Variants in HK2 observed in about 807,000 individuals in gnomAD.
HK2 encodes hexokinase 2, also known as hexokinase-2.
A neutral mutation model predicts 92.9 loss-of-function variants in HK2; 42 were observed. That is an observed-to-expected ratio of 0.45 (90% CI 0.35 to 0.58). The LOEUF (loss-of-function observed/expected upper bound fraction) is 0.58, where lower values mean the gene tolerates loss of function less well. Among genes scored for constraint, HK2 ranks in the 20% least tolerant of loss-of-function variants. The pLI is 0.00. For missense variants in HK2, 978 were observed against 1,245.1 expected, an observed-to-expected ratio of 0.79 and a Z score of 3.23; for synonymous variants, 422 against 468.0, an observed-to-expected ratio of 0.90 and a Z score of 1.27.
At chr2:74,850,498 A>T (rs1688540368) in intron 1 of HK2, among the ~76,000 whole-genome samples, 1 of 152,188 alleles carries the variant, frequency 6.6e-6, no homozygotes, top group Non-Finnish European at 1.5e-5. Flanking sequence ...AAATTCGAAT[A>T]CTATGTTTAG....
At position 74,881,806 on chromosome 2, in the gene HK2, CACA is replaced by C. The variant is rs1276530341; in HGVS notation, c.1671_1673del (p.Asn557del). Reference sequence around the variant, plus strand: ...TGGGAAGTGGGGTGGAGTGGAGATGCACAACAAGATCTACGCCATCCCGCAGGA... The same window carrying C: ...TGGGAAGTGGGGTGGAGTGGAGATGCACAAGATCTACGCCATCCCGCAGGA... On this transcript the variant is annotated inframe_deletion, in exon 11 of 18. Coordinates refer to ENST00000290573, the MANE Select transcript of HK2 (RefSeq NM_000189.5). The C allele has an allele frequency of 1.2e-6, 2 of 1,614,076 alleles. No homozygotes were observed. The highest frequency in any genetic ancestry group is 1.7e-6 in the Non-Finnish European group (2 of 1,179,990).
intron 1 of HK2, among the ~76,000 whole-genome samples, chr2:74,844,501 T>C (rs938537021): frequency 1.3e-5 from 2 of 152,174 alleles, no homozygotes; most frequent in Non-Finnish European, 2.9e-5. Context: ...TTGTCTTGGG[T>C]AAGCAGGGAA....
chr2:74,840,925 G>T (rs1044895424), intron 1 of HK2, among the ~76,000 whole-genome samples: 1 of 148,822 alleles, frequency 6.7e-6, no homozygotes, highest in African/African-American at 2.5e-5. Flanking sequence ...TTGGGATGTG[G>T]CAAATTAAAT....
Position 74,885,486 on chromosome 2 carries a change from A to AT in HK2, c.1840-3dup. On this transcript the variant is annotated splice_polypyrimidine_tract_variant and splice_region_variant and intron_variant, in intron 12 of 17. Coordinates refer to ENST00000290573, the MANE Select transcript of HK2 (RefSeq NM_000189.5). ...GATGTCCTTTCCATGCTTGTGTGTG[A>AT]TTTTTAGAGCATCCTCCTCAAGTGG... 6.2e-7 allele frequency: 1 copy of AT among 1,608,860 alleles called. No homozygotes were observed. Among genetic ancestry groups the AT allele is most frequent in the South Asian group, 1.1e-5 (1 of 90,950 alleles).
intron 16 of HK2, among the ~76,000 whole-genome samples, chr2:74,888,630 A>G (rs1352779627): frequency 6.6e-6 from 1 of 152,244 alleles, no homozygotes; most frequent in Admixed American, 6.5e-5. Flanking sequence ...CAGGAACTAG[A>G]CAACTGATGT....
At chr2:74,872,135 A>C (rs1393148677) in intron 3 of HK2, among the ~76,000 whole-genome samples, 165 bp from the exon 4 acceptor site, 1 of 152,220 alleles carries the variant, frequency 6.6e-6, no homozygotes, top group Admixed American at 6.5e-5. Flanking sequence ...CCATGAGGAC[A>C]GGTCCAGTTA....
chr2:74,876,206 C>T (rs1689229346), intron 7 of HK2, among the ~76,000 whole-genome samples: 1 of 152,152 alleles, frequency 6.6e-6, no homozygotes, highest in Admixed American at 6.5e-5. Context: ...GGCCTTGGGT[C>T]TTGAGCAGGC....
intron 2 of HK2, among the ~76,000 whole-genome samples, chr2:74,856,206 G>A (rs1007285589): frequency 3.9e-4 from 60 of 152,276 alleles, no homozygotes; most frequent in African/African-American, 1.4e-3. Flanking sequence ...ACGCGCCTGT[G>A]CTGTTTCCAG....
intron 2 of HK2, 52 bp downstream of exon 2, chr2:74,854,507 A>G (rs773297096): frequency 6.2e-7 from 1 of 1,606,278 alleles, no homozygotes; most frequent in South Asian, 1.1e-5. Flanking sequence ...GGGGTGATTT[A>G]GTTGGCTTTG....
In HK2 at chr2:74,867,640, C is replaced by G. The variant is rs755935708; in HGVS notation, c.231C>G (p.His77Gln). 13 of 1,613,126 alleles carry G rather than the reference C, an allele frequency of 8.1e-6. No homozygotes were observed. In the Admixed American group the frequency reaches 2.2e-4, roughly 27 times the overall value. The change falls in exon 3 of 18, where the codon CAC becomes CAG. Residue 77 changes from histidine to glutamine, a missense_variant. His to Gln is a conservative substitution (Grantham distance 24, BLOSUM62 0). Around this residue, in one of 3 missense-constraint regions of HK2, gnomAD observed 189 missense variants for 289.5 expected, o/e 0.65. Transcript: ENST00000290573. ...FVRSTPDGTEHGEFLALDLGG... is the reference protein window; with the variant it reads ...FVRSTPDGTEQGEFLALDLGG... Reference sequence around the variant, plus strand: ...TGGCCCTTCCTTTCTCTGCAGAACACGGAGAGTTCCTGGCTCTGGATCTTG... The same window carrying G: ...TGGCCCTTCCTTTCTCTGCAGAACAGGGAGAGTTCCTGGCTCTGGATCTTG...
chr2:74,841,821 TG>T (rs1425202708), intron 1 of HK2, among the ~76,000 whole-genome samples: 1 of 152,230 alleles, frequency 6.6e-6, no homozygotes, highest in African/African-American at 2.4e-5. Flanking sequence ...GTAGTTTCCA[TG>T]GAGGCTGGGC....
At chr2:74,838,273 C>A (rs1431547648) in intron 1 of HK2, among the ~76,000 whole-genome samples, 1 of 152,108 alleles carries the variant, frequency 6.6e-6, no homozygotes, top group Non-Finnish European at 1.5e-5. Flanking sequence ...AAGGAGGAGA[C>A]CTTTCTGGAG....
intron 12 of HK2, 60 bp from the exon 13 acceptor site, chr2:74,885,434 C>A: frequency 8.1e-7 from 1 of 1,227,244 alleles, no homozygotes; most frequent in East Asian, 2.3e-5. Context: ...AGCTGGACCC[C>A]CAGAACTGAC....
intron 12 of HK2, among the ~76,000 whole-genome samples, chr2:74,882,652 A>G (rs1038224798): frequency 8.9e-6 from 1 of 112,174 alleles, no homozygotes; most frequent in Non-Finnish European, 2.0e-5. Context: ...TGTGCCAGGT[A>G]CTATGTTAGG....
rs549961459 is a variant in HK2, at chr2:74,881,844, C to G, written c.1704C>G (p.His568Gln). The change falls in exon 11 of 18, where the codon CAC becomes CAG. Residue 568 changes from histidine (H) to glutamine (Q), a missense_variant. Physicochemically the swap from His to Gln is conservative, Grantham distance 24. Transcript: ENST00000290573. ...ACGCCATCCCGCAGGAGGTCATGCACGGCACCGGGGACGAGGTGAGCAGGG... is the reference window on the plus strand; with the variant it reads ...ACGCCATCCCGCAGGAGGTCATGCAGGGCACCGGGGACGAGGTGAGCAGGG... ...KIYAIPQEVMHGTGDELFDHI... is the reference protein window; with the variant it reads ...KIYAIPQEVMQGTGDELFDHI... 55 of 1,614,158 alleles carry G rather than the reference C, an allele frequency of 3.4e-5. No individual in the cohort carries two copies. Among genetic ancestry groups the G allele is most frequent in the Non-Finnish European group, 3.3e-5 (39 of 1,180,006 alleles).
At position 74,886,471 on chromosome 2, in the gene HK2, G is replaced by C; in HGVS notation, c.2036-19G>C. 6.2e-7 allele frequency: 1 copy of C among 1,613,608 alleles called. No individual in the cohort carries two copies. The highest frequency in any genetic ancestry group is 8.5e-7 in the Non-Finnish European group (1 of 1,179,946). Reference sequence around the variant, plus strand: ...AGGGGTTGGTGCTGAGTGAGGCCCTGGTATCCTGTGATTGGCAGGCACGGG... The same window carrying C: ...AGGGGTTGGTGCTGAGTGAGGCCCTCGTATCCTGTGATTGGCAGGCACGGG... On this transcript the variant is annotated intron_variant, in intron 14 of 17. Transcript: ENST00000290573.
chr2:74,883,724 G>A (rs541245079), intron 12 of HK2, among the ~76,000 whole-genome samples: 1 of 152,348 alleles, frequency 6.6e-6, no homozygotes, highest in South Asian at 2.1e-4. Context: ...TTCATGTAGT[G>A]TTAACCAGAC....
chr2:74,862,680 C>T (rs905662713), intron 2 of HK2, among the ~76,000 whole-genome samples: 2 of 152,182 alleles, frequency 1.3e-5, no homozygotes, highest in Admixed American at 6.5e-5. Context: ...GGGGTACTTA[C>T]GTAGTCCAGG....
In HK2 at chr2:74,867,682, TG is replaced by T; in HGVS notation, c.274del (p.Val92CysfsTer4). On this transcript the variant is annotated frameshift_variant, in exon 3 of 18. Transcript: ENST00000290573. LOFTEE classifies it high-confidence loss of function. Reference protein sequence around the residue: ...ALDLGGTNFRVLWVKVTDNGL... With the variant: ...ALDLGGTNFRXLWVKVTDNGL... The stretch of plus-strand genomic sequence containing the variant: ...TGGATCTTGGAGGGACCAACTTCCG[TG>T]TGCTTTGGGTGAAAGTAACGGACAA... 1 of 1,614,090 alleles carries T rather than the reference TG, an allele frequency of 6.2e-7. No homozygotes were observed. The highest frequency in any genetic ancestry group is 1.7e-4 in the Middle Eastern group (1 of 6,018).
Sources: allele counts gnomAD v4.1 joint callset (sites outside exome capture counted in the v4.1 genomes callset), GRCh38; gene constraint gnomAD v4.1.1; regional missense constraint gnomAD v4.1.1; transcripts MANE v1.5; gene names NCBI Gene and HGNC (gene_info 2026-07-23, HGNC 2026-07-21).